ASIC4: variants seen among roughly 807,000 people sequenced by gnomAD.
ASIC4 encodes acid sensing ion channel subunit family member 4.
Under a neutral mutation model 53.4 loss-of-function variants are expected in ASIC4, and 28 were observed. The observed-to-expected ratio is 0.52, with a 90% CI of 0.39 to 0.72. The LOEUF (loss-of-function observed/expected upper bound fraction) is 0.72, where lower values mean the gene tolerates loss of function less well. Among genes scored for constraint, ASIC4 ranks in the 30% least tolerant of loss-of-function variants. ASIC4 has a pLI of 0.00. For missense variants in ASIC4, 649 were observed against 729.7 expected (o/e 0.89, Z 1.27); for synonymous variants, 289 against 301.4 (o/e 0.96, Z 0.43).
At position 219,537,800 on chromosome 2, in the gene ASIC4, T is replaced by C. The variant is rs897096946; in HGVS notation, c.1506+64T>C. ...ACCTCCCCAGGACTGAATACATCCATTGTTTCTGAACCAGCCTGTGGAGGG... is the reference window on the plus strand; with the variant it reads ...ACCTCCCCAGGACTGAATACATCCACTGTTTCTGAACCAGCCTGTGGAGGG... On this transcript the variant is annotated intron_variant, in intron 9 of 9. Transcript: ENST00000358078. The surrounding 1 kb of genome is among the most constrained non-coding windows in gnomAD (Gnocchi z 4.9). The C allele has an allele frequency of 1.3e-6, 2 of 1,543,964 alleles. No individual in the cohort carries two copies. Among genetic ancestry groups the C allele is most frequent in the Non-Finnish European group, 1.8e-6 (2 of 1,133,128 alleles).
chr2:219,522,557 CG>C (rs910850616), intron 1 of ASIC4, among the ~76,000 whole-genome samples: 1 of 152,144 alleles, frequency 6.6e-6, no homozygotes, highest in Non-Finnish European at 1.5e-5. Context: ...TCCCGGGCCT[CG>C]TGCTGATCAT....
intron 5 of ASIC4, among the ~76,000 whole-genome samples, chr2:219,534,212 A>G (rs1184414868): frequency 6.6e-6 from 1 of 152,140 alleles, no homozygotes; most frequent in African/African-American, 2.4e-5. Flanking sequence ...GCTGGGTTTG[A>G]GACACTGGGC....
In ASIC4 at chr2:219,515,195, C is replaced by T; in HGVS notation, c.471C>T (p.Tyr157=). The T allele has an allele frequency of 6.2e-7, 1 of 1,614,212 alleles. No individual in the cohort carries two copies. The change falls in exon 1 of 10, where the codon TAC becomes TAT. Residue 157 remains tyrosine, a synonymous_variant. Transcript: ENST00000358078. The part of the protein sequence containing the change: ...RDGHRAAGLR[Y]PEPDMVDILN... ...GGCACCGTGCGGCTGGCCTGCGCTACCCAGAGCCTGACATGGTAGACATCC... is the reference window on the plus strand; with the variant it reads ...GGCACCGTGCGGCTGGCCTGCGCTATCCAGAGCCTGACATGGTAGACATCC...
Position 219,536,987 on chromosome 2 carries a change from T to C in ASIC4, c.1230-79T>C. The C allele has an allele frequency of 7.9e-7, 1 of 1,262,658 alleles. No individual in the cohort carries two copies. The highest frequency in any genetic ancestry group is 1.1e-6 in the Non-Finnish European group (1 of 875,980). The allele number at this position is 1,262,658 out of a possible 1,614,324, so 78.2% of individuals were successfully genotyped here. ...CCCATGTAGTGATCTCTGATCAGGA[T>C]CTGCTGGATCCAGGATGCCCCTGCC... On this transcript the variant is annotated intron_variant, in intron 6 of 9. Transcript: ENST00000358078. This position sits in a 1 kb window ranked among gnomAD's most constrained non-coding sequence, Gnocchi z 4.6.
At chr2:219,532,565 CAGG>C in intron 4 of ASIC4, 88 bp downstream of exon 4, 1 of 1,499,650 alleles carries the variant, frequency 6.7e-7, no homozygotes, top group Non-Finnish European at 9.0e-7. Context: ...TGTGCACAGG[CAGG>C]TGCATGTATA....
chr2:219,535,764 T>C (rs1265519216), intron 6 of ASIC4, among the ~76,000 whole-genome samples: 1 of 149,352 alleles, frequency 6.7e-6, no homozygotes, highest in Non-Finnish European at 1.5e-5. Context: ...AGCTCTATTC[T>C]TCTCCTTCTT....
chr2:219,512,541 G>C (rs1035750899), upstream of ASIC4, among the ~76,000 whole-genome samples: 1 of 152,206 alleles, frequency 6.6e-6, no homozygotes, highest in African/African-American at 2.4e-5. Flanking sequence ...AGGAACAGTG[G>C]GGGGAGTTCT....
chr2:219,518,477 C>T lies in ASIC4; in HGVS notation c.582+3171C>T, dbSNP rs899580308. ...GGGAGGTGGGCCCCGTATGTTTGCT[C>T]TGCATGGTGGCTAGCTCCAGCTAGT... On this transcript the variant is annotated intron_variant, in intron 1 of 9. Transcript: ENST00000358078. This position sits in a 1 kb window ranked among gnomAD's most constrained non-coding sequence, Gnocchi z 4.8. Among the ~76,000 whole-genome samples, 2 of 151,964 alleles carry T rather than the reference C, an allele frequency of 1.3e-5. No individual in the cohort carries two copies. Among genetic ancestry groups the T allele is most frequent in the Non-Finnish European group, 2.9e-5 (2 of 67,992 alleles).
Position 219,535,340 on chromosome 2 carries a change from T to TG in ASIC4, c.1229+17dup, listed in dbSNP as rs1472835820. 10 of 1,201,560 alleles carry TG rather than the reference T, an allele frequency of 8.3e-6. No homozygotes were observed. Among genetic ancestry groups the TG allele is most frequent in the East Asian group, 2.6e-5 (1 of 37,744 alleles). The allele number at this position is 1,201,560 out of a possible 1,614,324, so 74.4% of individuals were successfully genotyped here. A position where few individuals can be genotyped will look rare whatever the true frequency, so the allele number is the denominator to read the frequency against. On this transcript the variant is annotated intron_variant, in intron 6 of 9. Transcript: ENST00000358078. ...CCTACATACGGTATGTGTGTGTGTGTGTGGGGGGTGGCTGTGTGACTCTGT... is the reference window on the plus strand; with the variant it reads ...CCTACATACGGTATGTGTGTGTGTGTGGTGGGGGGTGGCTGTGTGACTCTGT...
In ASIC4 at chr2:219,532,506, C is replaced by G. The variant is rs371074065; in HGVS notation, c.1018+29C>G. 5.0e-6 allele frequency: 8 copies of G among 1,598,440 alleles called. No homozygotes were observed. The African/African-American group carries it at 1.1e-4, about 21-fold the overall frequency. The stretch of plus-strand genomic sequence containing the variant: ...GGCACCCCACCCCCAGCCAGCCCTC[C>G]ATGCCACCCTGCTAGGCTCCAGAGC... On this transcript the variant is annotated intron_variant, in intron 4 of 9. Coordinates refer to ENST00000358078, the MANE Select transcript of ASIC4 (RefSeq NM_018674.6).
Position 219,536,975 on chromosome 2 carries a change from C to G in ASIC4, c.1230-91C>G. The G allele has an allele frequency of 1.7e-6, 2 of 1,163,522 alleles. No homozygotes were observed. The highest frequency in any genetic ancestry group is 1.3e-6 in the Non-Finnish European group (1 of 793,784). 72.1% of individuals were successfully genotyped at this position (1,163,522 alleles called of 1,614,324 possible). A position where few individuals can be genotyped will look rare whatever the true frequency, so the allele number is the denominator to read the frequency against. On this transcript the variant is annotated intron_variant, in intron 6 of 9. Coordinates refer to ENST00000358078, the MANE Select transcript of ASIC4 (RefSeq NM_018674.6). The surrounding 1 kb of genome is among the most constrained non-coding windows in gnomAD (Gnocchi z 4.6). ...GTCACTGACTTCCCCATGTAGTGAT[C>G]TCTGATCAGGATCTGCTGGATCCAG...
chr2:219,534,740 G>A (rs1310464391), intron 5 of ASIC4, among the ~76,000 whole-genome samples: 3 of 151,956 alleles, frequency 2.0e-5, no homozygotes, highest in African/African-American at 7.3e-5. Flanking sequence ...TCTTCTGTTC[G>A]CCCATCCGTC....
chr2:219,537,587 C>T lies in ASIC4; in HGVS notation c.1402-45C>T. On this transcript the variant is annotated intron_variant, in intron 8 of 9. Coordinates refer to ENST00000358078, the MANE Select transcript of ASIC4 (RefSeq NM_018674.6). This position sits in a 1 kb window ranked among gnomAD's most constrained non-coding sequence, Gnocchi z 4.9. ...TGGTAAGGCTCACGCTTCTCCTCAA[C>T]CAAATTTCCTGAGCCCACTGCTGTC... 1 of 1,551,126 alleles carries T rather than the reference C, an allele frequency of 6.4e-7. No homozygotes were observed. Among genetic ancestry groups the T allele is most frequent in the Admixed American group, 1.8e-5 (1 of 55,224 alleles).
chr2:219,531,628 A>G (rs1040579676), intron 1 of ASIC4, 130 bp from the exon 2 acceptor site: 2 of 1,056,166 alleles, frequency 1.9e-6, no homozygotes, highest in Non-Finnish European at 1.4e-6. Context: ...TGGGCTGTAC[A>G]TTGCTTGCTA....
rs1426802323 is a variant in ASIC4, at chr2:219,536,565, G to C, written c.1230-501G>C. On this transcript the variant is annotated intron_variant, in intron 6 of 9. Coordinates refer to ENST00000358078, the MANE Select transcript of ASIC4 (RefSeq NM_018674.6). The surrounding 1 kb of genome is among the most constrained non-coding windows in gnomAD (Gnocchi z 4.6). ...CCTGGGTTTGGGGTCTGAGAGAGGA[G>C]GCAATGGGGAGGCGTCCAGTGACAG... 6.6e-6 allele frequency among the ~76,000 whole-genome samples: 1 copy of C among 152,206 alleles called. No individual in the cohort carries two copies.
In ASIC4 at chr2:219,537,785, G is replaced by C. The variant is rs1232019540; in HGVS notation, c.1506+49G>C. The C allele has an allele frequency of 2.6e-6, 4 of 1,562,712 alleles. No homozygotes were observed. In the South Asian group the frequency reaches 4.6e-5, roughly 18 times the overall value. ...GCAGCATGCAGCCACACCTCCCCAG[G>C]ACTGAATACATCCATTGTTTCTGAA... On this transcript the variant is annotated intron_variant, in intron 9 of 9. Coordinates refer to ENST00000358078, the MANE Select transcript of ASIC4 (RefSeq NM_018674.6). This position sits in a 1 kb window ranked among gnomAD's most constrained non-coding sequence, Gnocchi z 4.9.
upstream of ASIC4, among the ~76,000 whole-genome samples, chr2:219,510,084 C>T (rs532828307): frequency 2.8e-4 from 43 of 152,108 alleles, no homozygotes; most frequent in Admixed American, 7.2e-4. This position sits in a 1 kb window ranked among gnomAD's most constrained non-coding sequence, Gnocchi z 5.2. Context: ...CTCCTCTCCC[C>T]GTCGATGACC....
In ASIC4 at chr2:219,531,996, T is replaced by C. The variant is rs1282692146; in HGVS notation, c.728-5T>C. ...TTTCCAAAGGTCCCCATCTCTGCTG[T>C]GCAGATGAGACGTCGTTTGAGGCAG... On this transcript the variant is annotated splice_region_variant and splice_polypyrimidine_tract_variant and intron_variant, in intron 2 of 9. Coordinates refer to ENST00000358078, the MANE Select transcript of ASIC4 (RefSeq NM_018674.6). The C allele has an allele frequency of 6.2e-7, 1 of 1,614,190 alleles. No individual in the cohort carries two copies. The highest frequency in any genetic ancestry group is 1.7e-5 in the Admixed American group (1 of 60,030).
chr2:219,510,603 C>T (rs999994440), upstream of ASIC4, among the ~76,000 whole-genome samples: 1 of 152,186 alleles, frequency 6.6e-6, no homozygotes, highest in Non-Finnish European at 1.5e-5. This position sits in a 1 kb window ranked among gnomAD's most constrained non-coding sequence, Gnocchi z 5.2. Flanking sequence ...CCTCCTGATG[C>T]CCCCATCCCA....
Sources: gnomAD v4.1 joint callset for allele counts (sites outside exome capture counted in the v4.1 genomes callset) on GRCh38, gnomAD v4.1.1 for gene constraint, Gnocchi (gnomAD v3.1) non-coding constraint, MANE v1.5 for transcripts, NCBI Gene and HGNC (gene_info 2026-07-23, HGNC 2026-07-21) for gene names.